ACOXL: variants seen among roughly 807,000 people sequenced by gnomAD.
ACOXL encodes the protein acyl-CoA oxidase like.
In ACOXL, 70 loss-of-function variants were observed where a neutral mutation model predicts 71.9. That is an observed-to-expected ratio of 0.97 (90% CI 0.80 to 1.19). The LOEUF (loss-of-function observed/expected upper bound fraction) is 1.19. Ranked by LOEUF, ACOXL falls within the 50% of genes most tolerant of loss-of-function variation. The pLI, the probability that ACOXL is intolerant of heterozygous loss-of-function variation, is 0.00. For synonymous variants in ACOXL, 253 were observed against 281.6 expected, an observed-to-expected ratio of 0.90 and a Z score of 1.02; for missense variants, 703 against 736.3, an observed-to-expected ratio of 0.95 and a Z score of 0.52.
At chr2:111,069,739 G>A (rs2067250330) in intron 16 of ACOXL, among the ~76,000 whole-genome samples, 1 of 152,116 alleles carries the variant, frequency 6.6e-6, no homozygotes. Flanking sequence ...AGGGAGAAGA[G>A]CCTGGCCATA....
chr2:111,065,475 T>C (rs2067020946), intron 16 of ACOXL, among the ~76,000 whole-genome samples: 1 of 152,182 alleles, frequency 6.6e-6, no homozygotes, highest in South Asian at 2.1e-4. Flanking sequence ...CTCTTAGGGT[T>C]CACACCCAAA....
intron 14 of ACOXL, among the ~76,000 whole-genome samples, chr2:111,003,331 C>T (rs1043334704): frequency 8.6e-5 from 13 of 151,596 alleles, no homozygotes; most frequent in Admixed American, 3.9e-4. Flanking sequence ...GGGTGGATCA[C>T]GAGGTCAGGA....
At chr2:110,948,784 G>A (rs572545388) in intron 12 of ACOXL, among the ~76,000 whole-genome samples, 13 of 146,792 alleles carry the variant, frequency 8.9e-5, no homozygotes, top group South Asian at 6.5e-4. Context: ...GGCGGGACTC[G>A]AAGCTCGTCT....
chr2:110,970,549 T>C (rs1394948479), intron 12 of ACOXL, among the ~76,000 whole-genome samples: 1 of 152,252 alleles, frequency 6.6e-6, no homozygotes, highest in East Asian at 1.9e-4. Flanking sequence ...GAACATTGAA[T>C]GCTTTTCCCC....
rs192086364 is a variant in ACOXL, at chr2:111,080,866, C to T, written c.1441-11999C>T. ...TCCCTGGGATGCAAGGCTAGTTCAA[C>T]ACATACAAATCAACAAACATAATCT... is the stretch of plus-strand genomic sequence containing the variant. On this transcript the variant is annotated intron_variant, in intron 16 of 17. Coordinates refer to ENST00000439055, the MANE Select transcript of ACOXL (RefSeq NM_001142807.4). Among the ~76,000 whole-genome samples, 341 of 152,330 alleles carry T rather than the reference C, an allele frequency of 2.2e-3. 2 individuals are homozygous for T. The highest frequency in any genetic ancestry group is 8.0e-3 in the African/African-American group (331 of 41,566).
chr2:110,992,634 C>T (rs1014581009), intron 13 of ACOXL, among the ~76,000 whole-genome samples: 23 of 152,102 alleles, frequency 1.5e-4, no homozygotes, highest in South Asian at 4.1e-4. Context: ...CTCCATGGGA[C>T]GAGGTAAGGC....
intron 17 of ACOXL, among the ~76,000 whole-genome samples, chr2:111,115,128 C>T (rs2070255474): frequency 6.6e-6 from 1 of 152,096 alleles, no homozygotes; most frequent in East Asian, 1.9e-4. Context: ...TTTTCAAAAG[C>T]TGGTGAATTT....
intron 12 of ACOXL, among the ~76,000 whole-genome samples, chr2:110,962,389 AC>A (rs1558793531): frequency 6.6e-6 from 1 of 152,212 alleles, no homozygotes; most frequent in East Asian, 1.9e-4. Context: ...TGGAAATGTT[AC>A]TGATTTACTT....
chr2:110,791,345 T>C (rs931737797), intron 3 of ACOXL, among the ~76,000 whole-genome samples: 3 of 152,236 alleles, frequency 2.0e-5, no homozygotes, highest in East Asian at 3.8e-4. Context: ...AGGTTTTTTT[T>C]CCTCTTCCTA....
At chr2:110,776,195 A>G (rs894718058) in intron 2 of ACOXL, among the ~76,000 whole-genome samples, 2 of 152,254 alleles carry the variant, frequency 1.3e-5, no homozygotes, top group African/African-American at 2.4e-5. Flanking sequence ...GTACACTGTT[A>G]CATGAAGTAT....
intron 15 of ACOXL, among the ~76,000 whole-genome samples, chr2:111,037,496 C>T (rs1473694742): frequency 6.6e-6 from 1 of 152,128 alleles, no homozygotes; most frequent in African/African-American, 2.4e-5. Flanking sequence ...TGTACTTGAC[C>T]TAGATGCTAA....
chr2:110,755,701 T>A (rs1445088768), intron 1 of ACOXL, among the ~76,000 whole-genome samples: 1 of 152,202 alleles, frequency 6.6e-6, no homozygotes, highest in Non-Finnish European at 1.5e-5. Flanking sequence ...ATGAGGAACA[T>A]ACTCCATCTA....
At chr2:110,762,038 C>T (rs1010384362) in intron 1 of ACOXL, among the ~76,000 whole-genome samples, 2 of 152,062 alleles carry the variant, frequency 1.3e-5, no homozygotes, top group African/African-American at 4.8e-5. Context: ...GGTGTGTACA[C>T]GTTTAGGATT....
chr2:110,867,112 C>G (rs1407269446), intron 10 of ACOXL, among the ~76,000 whole-genome samples: 1 of 152,112 alleles, frequency 6.6e-6, no homozygotes, highest in African/African-American at 2.4e-5. Flanking sequence ...GAGGGCCCAG[C>G]AGAGTGTCCT....
At chr2:110,734,021 C>G (rs1483939999) in intron 1 of ACOXL, among the ~76,000 whole-genome samples, 3 of 152,060 alleles carry the variant, frequency 2.0e-5, no homozygotes, top group Non-Finnish European at 4.4e-5. Context: ...AATATAGAAG[C>G]AGACATGAGA....
chr2:110,860,110 G>C (rs1025641947), intron 10 of ACOXL, among the ~76,000 whole-genome samples: 2 of 152,142 alleles, frequency 1.3e-5, no homozygotes, highest in East Asian at 3.9e-4. Context: ...CGCCTAAATA[G>C]CCTTTTTGTT....
At chr2:111,101,559 T>C (rs1400135833) in intron 17 of ACOXL, among the ~76,000 whole-genome samples, 2 of 152,086 alleles carry the variant, frequency 1.3e-5, no homozygotes, top group Non-Finnish European at 2.9e-5. Flanking sequence ...GCACAGCATA[T>C]TGAAAGCATT....
At chr2:111,112,614 C>T (rs188840298) in intron 17 of ACOXL, among the ~76,000 whole-genome samples, 4 of 152,200 alleles carry the variant, frequency 2.6e-5, no homozygotes, top group African/African-American at 4.8e-5. Context: ...GTGCATTCAG[C>T]GAGTTTGGAA....
chr2:110,785,605 G>A (rs527466518), intron 3 of ACOXL, among the ~76,000 whole-genome samples: 7 of 152,186 alleles, frequency 4.6e-5, no homozygotes, highest in African/African-American at 1.7e-4. Flanking sequence ...CATAGCAATG[G>A]AAGATCATTC....
Sources: allele counts gnomAD v4.1 joint callset (sites outside exome capture counted in the v4.1 genomes callset), GRCh38; gene constraint gnomAD v4.1.1; transcripts MANE v1.5; gene names NCBI Gene and HGNC (gene_info 2026-07-23, HGNC 2026-07-21).